The following PCDHA10 variants were observed in gnomAD, a reference collection of about 807,000 sequenced individuals.
The protein encoded by PCDHA10 is protocadherin alpha 10.
In PCDHA10, 45 loss-of-function variants were observed where a neutral mutation model predicts 61.2. That is an observed-to-expected ratio of 0.74 (90% confidence interval 0.58 to 0.94). The LOEUF is 0.94. PCDHA10 is among the 40% of genes least tolerant of loss of function. The pLI is 0.00. For missense variants in PCDHA10, 1,278 were observed against 1,236.2 expected (o/e 1.03, Z -0.51); for synonymous variants, 602 against 548.8 (o/e 1.10, Z -1.35).
At chr5:140,927,764 G>T (rs2084612834) in intron 1 of PCDHA10, 1 of 1,614,092 alleles carries the variant, frequency 6.2e-7, no homozygotes. Flanking sequence ...CCTAAAAGTG[G>T]GGAGGTGCAA....
chr5:140,987,040 C>G (rs916995346), intron 3 of PCDHA10, among the ~76,000 whole-genome samples: 1 of 151,880 alleles, frequency 6.6e-6, no homozygotes, highest in Non-Finnish European at 1.5e-5. Flanking sequence ...ATGGCGAAAC[C>G]CCATCTCTAC....
chr5:140,914,076 T>C (rs2076593853), intron 1 of PCDHA10, among the ~76,000 whole-genome samples: 1 of 152,218 alleles, frequency 6.6e-6, no homozygotes, highest in Non-Finnish European at 1.5e-5. Context: ...TCCATAACTA[T>C]CTATTAGGTC....
At chr5:141,007,192 TGGTGGGGGCCAGAATATGC>T (rs1371127830) in intron 3 of PCDHA10, among the ~76,000 whole-genome samples, 1 of 151,894 alleles carries the variant, frequency 6.6e-6, no homozygotes, top group African/African-American at 2.4e-5. Flanking sequence ...AATGTTTTGA[TGGTGGGGGCCAGAATATGC>T]TGTCCCAAAA....
At chr5:141,002,807 C>T (rs1297773193) in intron 3 of PCDHA10, among the ~76,000 whole-genome samples, 1 of 152,152 alleles carries the variant, frequency 6.6e-6, no homozygotes, top group Non-Finnish European at 1.5e-5. Flanking sequence ...GAAACTGAGG[C>T]TCAGAGATAT....
intron 3 of PCDHA10, among the ~76,000 whole-genome samples, chr5:140,989,548 T>G (rs914557459): frequency 1.3e-5 from 2 of 152,166 alleles, no homozygotes; most frequent in Non-Finnish European, 2.9e-5. Flanking sequence ...TGTAATTCCT[T>G]TACGTTTTGT....
In PCDHA10 at chr5:141,010,916, A is replaced by G. The variant is rs1554263193; in HGVS notation, c.*979A>G. The G allele has an allele frequency of 6.5e-6, 1 of 153,780 alleles. No individual in the cohort carries two copies. The highest frequency in any genetic ancestry group is 2.4e-5 in the African/African-American group (1 of 41,454). 9.5% of individuals were successfully genotyped at this position (153,780 alleles called of 1,614,324 possible). On this transcript the variant is annotated 3_prime_UTR_variant, in exon 4 of 4. Transcript: ENST00000307360. ...ATACAATTCCCCTAAACTCTCCTCAAAAGAGAATTCAGTCTACAGCCATTT... is the reference window on the plus strand; with the variant it reads ...ATACAATTCCCCTAAACTCTCCTCAGAAGAGAATTCAGTCTACAGCCATTT...
At chr5:140,963,424 G>A (rs898407658) in intron 1 of PCDHA10, among the ~76,000 whole-genome samples, 7 of 152,194 alleles carry the variant, frequency 4.6e-5, no homozygotes, top group Non-Finnish European at 1.0e-4. Flanking sequence ...GCATGTTTAG[G>A]AACTAACTTC....
At position 140,857,192 on chromosome 5, in the gene PCDHA10, G is replaced by A; in HGVS notation, c.1144G>A (p.Gly382Arg). The A allele has an allele frequency of 1.3e-6, 2 of 1,598,474 alleles. No homozygotes were observed. The highest frequency in any genetic ancestry group is 1.7e-6 in the Non-Finnish European group (2 of 1,167,886). The change falls in exon 1 of 4, where the codon GGA (glycine) becomes AGA (arginine). Residue 382 changes from glycine to arginine, a missense_variant. By Grantham distance (125) the Gly-to-Arg change is moderately radical (BLOSUM62 -2). Transcript: ENST00000307360. ...SVSDHDSGAN[G>R]QVTCSLTPHV... ...TTCTGACCATGATTCAGGAGCCAACGGACAGGTCACCTGCTCTCTGACGCC... is the reference window on the plus strand; with the variant it reads ...TTCTGACCATGATTCAGGAGCCAACAGACAGGTCACCTGCTCTCTGACGCC...
chr5:140,906,252 C>T (rs1376694912), intron 1 of PCDHA10, among the ~76,000 whole-genome samples: 1 of 152,180 alleles, frequency 6.6e-6, no homozygotes, highest in Admixed American at 6.5e-5. Flanking sequence ...AACCCATACA[C>T]ACCTCCTGAA....
chr5:140,856,178 G>T lies in PCDHA10; in HGVS notation c.130G>T (p.Val44Leu), dbSNP rs782689818. ...CGAGGAGGCCAGACACGGCACCTTC[G>T]TGGGCCGCATCGCGCAGGACCTGGG... is the stretch of plus-strand genomic sequence containing the variant. ...VYEEARHGTF[V>L]GRIAQDLGLE... The change falls in exon 1 of 4, where the codon GTG (valine) becomes TTG (leucine). Residue 44 changes from valine to leucine, a missense_variant. Coordinates refer to ENST00000307360, the MANE Select transcript of PCDHA10 (RefSeq NM_018901.4). 6.3e-6 allele frequency: 10 copies of T among 1,598,138 alleles called. 2 individuals are homozygous for T. Among genetic ancestry groups the T allele is most frequent in the Non-Finnish European group, 8.6e-6 (10 of 1,167,922 alleles).
intron 1 of PCDHA10, chr5:140,877,686 G>T (rs1554169986): frequency 6.2e-7 from 1 of 1,613,818 alleles, no homozygotes; most frequent in Non-Finnish European, 8.5e-7. Flanking sequence ...GCAAGCCCAC[G>T]CTGGTGTGCT....
intron 1 of PCDHA10, among the ~76,000 whole-genome samples, chr5:140,898,903 C>T (rs1323359632): frequency 6.6e-6 from 1 of 152,100 alleles, no homozygotes; most frequent in Non-Finnish European, 1.5e-5. Context: ...AGAGGTCCTT[C>T]ACGTCCCTTG....
chr5:140,952,303 AC>A (rs1554220328), intron 1 of PCDHA10, among the ~76,000 whole-genome samples: 1 of 147,998 alleles, frequency 6.8e-6, no homozygotes, highest in African/African-American at 2.5e-5. Flanking sequence ...CAGCCATTTC[AC>A]TCCAGCCTGG....
At chr5:140,921,385 A>C (rs571029849) in intron 1 of PCDHA10, among the ~76,000 whole-genome samples, 1 of 152,294 alleles carries the variant, frequency 6.6e-6, no homozygotes, top group East Asian at 1.9e-4. Flanking sequence ...CATATTTGAT[A>C]AACATTCACA....
Sources: gnomAD v4.1 joint callset for allele counts (sites outside exome capture counted in the v4.1 genomes callset) on GRCh38, gnomAD v4.1.1 for gene constraint, MANE v1.5 for transcripts, NCBI Gene and HGNC (gene_info 2026-07-23, HGNC 2026-07-21) for gene names.